GSTCD: variants seen among roughly 807,000 people sequenced by gnomAD.
GSTCD encodes the protein glutathione S-transferase C-terminal domain containing, also known as glutathione S-transferase C-terminal domain-containing protein.
A neutral mutation model predicts 68.3 loss-of-function variants in GSTCD; 44 were observed. The observed-to-expected ratio is 0.64, with a 90% CI of 0.51 to 0.83. The LOEUF (loss-of-function observed/expected upper bound fraction) is 0.83. Ranked by LOEUF, GSTCD falls within the 40% of genes least tolerant of loss-of-function variation. GSTCD has a pLI of 0.00. For synonymous variants in GSTCD, 273 were observed against 255.2 expected, an observed-to-expected ratio of 1.07 and a Z score of -0.67; for missense variants, 739 against 735.9, an observed-to-expected ratio of 1.00 and a Z score of -0.05.
At position 105,801,366 on chromosome 4, in the gene GSTCD, A is replaced by C. The variant is rs537208107; in HGVS notation, c.1241-21588A>C. 1.1e-4 allele frequency among the ~76,000 whole-genome samples: 17 copies of C among 152,274 alleles called. No individual in the cohort carries two copies. The East Asian group carries it at 3.3e-3, about 29-fold the overall frequency. ...GCAAATGCACAAATATAGAATCTGC[A>C]AATAATGAGAATTGACTGTATCTCA... On this transcript the variant is annotated intron_variant, in intron 5 of 11. Coordinates refer to ENST00000515279, the MANE Select transcript of GSTCD (RefSeq NM_001370181.1).
chr4:105,750,731 A>C (rs973558526), intron 5 of GSTCD, among the ~76,000 whole-genome samples: 1 of 152,194 alleles, frequency 6.6e-6, no homozygotes, highest in Non-Finnish European at 1.5e-5. Flanking sequence ...GTGGCCCCCT[A>C]ACTGGAAATA....
At chr4:105,727,031 T>C (rs1733061061) in intron 4 of GSTCD, among the ~76,000 whole-genome samples, 1 of 152,064 alleles carries the variant, frequency 6.6e-6, no homozygotes, top group African/African-American at 2.4e-5. Context: ...TAGTATTATG[T>C]ATTTTTGGAG....
intron 5 of GSTCD, among the ~76,000 whole-genome samples, chr4:105,803,700 A>G: frequency 6.7e-6 from 1 of 149,902 alleles, no homozygotes; most frequent in South Asian, 2.1e-4. Context: ...AAGAGTAGTG[A>G]AAAAAAAAAT....
intron 2 of GSTCD, among the ~76,000 whole-genome samples, chr4:105,718,711 A>G (rs1732762771): frequency 6.6e-6 from 1 of 152,118 alleles, no homozygotes; most frequent in Non-Finnish European, 1.5e-5. Context: ...TATTTTAGTT[A>G]TGTTGATTTT....
chr4:105,774,289 G>A (rs1333668878), intron 5 of GSTCD, among the ~76,000 whole-genome samples: 1 of 152,098 alleles, frequency 6.6e-6, no homozygotes, highest in African/African-American at 2.4e-5. Flanking sequence ...CACACTGATG[G>A]GTCTTGACTG....
intron 5 of GSTCD, among the ~76,000 whole-genome samples, chr4:105,773,206 C>G (rs1217411767): frequency 1.3e-5 from 2 of 151,892 alleles, no homozygotes; most frequent in Non-Finnish European, 2.9e-5. Flanking sequence ...GGTGATATCC[C>G]CTTTATCATT....
chr4:105,762,564 G>A (rs1734454613), intron 5 of GSTCD, among the ~76,000 whole-genome samples: 2 of 152,174 alleles, frequency 1.3e-5, no homozygotes, highest in Admixed American at 1.3e-4. Context: ...CCAAACGGCA[G>A]ATTGGTCATG....
At chr4:105,753,608 A>G (rs796258892) in intron 5 of GSTCD, among the ~76,000 whole-genome samples, 3 of 152,172 alleles carry the variant, frequency 2.0e-5, no homozygotes, top group African/African-American at 7.2e-5. Flanking sequence ...ATGACAGTAT[A>G]TGGGAGGATG....
intron 5 of GSTCD, among the ~76,000 whole-genome samples, chr4:105,756,372 C>T (rs1243989730): frequency 3.3e-5 from 5 of 151,900 alleles, no homozygotes; most frequent in Non-Finnish European, 7.4e-5. Context: ...CTGGTGACTA[C>T]CCCTTGTTCA....
rs1369725115 is a variant in GSTCD, at chr4:105,845,779, A to T, written c.*202A>T. 9.1e-6 allele frequency: 5 copies of T among 550,584 alleles called. No individual in the cohort carries two copies. The highest frequency in any genetic ancestry group is 1.3e-5 in the Non-Finnish European group (4 of 309,988). The allele number at this position is 550,584 out of a possible 1,614,324, so 34.1% of individuals were successfully genotyped here. ...ATGCTTTACAATGTGTGATTAAAGG[A>T]CTGCTGGTTTTTATAGTGAGAATCC... On this transcript the variant is annotated 3_prime_UTR_variant, in exon 12 of 12. Coordinates refer to ENST00000515279, the MANE Select transcript of GSTCD (RefSeq NM_001370181.1).
At chr4:105,729,061 T>G (rs1291713455) in intron 4 of GSTCD, among the ~76,000 whole-genome samples, 1 of 152,152 alleles carries the variant, frequency 6.6e-6, no homozygotes, top group East Asian at 1.9e-4. Flanking sequence ...ATTATTTCTA[T>G]GTGGATTGTT....
At chr4:105,795,270 A>G (rs560668895) in intron 5 of GSTCD, among the ~76,000 whole-genome samples, 1 of 152,216 alleles carries the variant, frequency 6.6e-6, no homozygotes, top group South Asian at 2.1e-4. Context: ...TAAAAGCTGT[A>G]GACATTTTTC....
At chr4:105,808,940 C>T (rs965608380) in intron 5 of GSTCD, among the ~76,000 whole-genome samples, 3 of 152,030 alleles carry the variant, frequency 2.0e-5, no homozygotes, top group Admixed American at 1.3e-4. Context: ...TATTGCAGTG[C>T]TTGAGTCCAA....
At chr4:105,788,776 G>A (rs1735557592) in intron 5 of GSTCD, among the ~76,000 whole-genome samples, 1 of 151,978 alleles carries the variant, frequency 6.6e-6, no homozygotes, top group Admixed American at 6.6e-5. Flanking sequence ...TATAAATTAA[G>A]ATATTTTGTA....
At chr4:105,717,010 A>G (rs1010076226) in intron 1 of GSTCD, among the ~76,000 whole-genome samples, 3 of 152,096 alleles carry the variant, frequency 2.0e-5, no homozygotes, top group South Asian at 2.1e-4. Flanking sequence ...GAGAATAAGG[A>G]ACTGGATTTT....
chr4:105,771,535 T>C (rs1202088380), intron 5 of GSTCD, among the ~76,000 whole-genome samples: 1 of 152,222 alleles, frequency 6.6e-6, no homozygotes. Flanking sequence ...CCATCTTAAG[T>C]TAATTATTGT....
intron 5 of GSTCD, among the ~76,000 whole-genome samples, chr4:105,733,093 G>A (rs1344906117): frequency 4.2e-4 from 64 of 152,288 alleles, no homozygotes; most frequent in African/African-American, 7.2e-5. Context: ...TTGCTGAGGA[G>A]TGCTTTACTT....
intron 5 of GSTCD, among the ~76,000 whole-genome samples, chr4:105,814,575 A>G (rs1722894738): frequency 1.3e-5 from 2 of 152,104 alleles, no homozygotes; most frequent in Admixed American, 1.3e-4. Flanking sequence ...TAGTGCCATT[A>G]CACTCCAGCC....
chr4:105,710,272 C>T (rs1732487461), intron 1 of GSTCD, among the ~76,000 whole-genome samples: 1 of 116,222 alleles, frequency 8.6e-6, no homozygotes, highest in African/African-American at 3.4e-5. Flanking sequence ...GAGTCCTGCT[C>T]TGTCGCCTGG....
Sources: allele counts gnomAD v4.1 joint callset (sites outside exome capture counted in the v4.1 genomes callset), GRCh38; gene constraint gnomAD v4.1.1; transcripts MANE v1.5; gene names NCBI Gene and HGNC (gene_info 2026-07-23, HGNC 2026-07-21).